The following STAT3 variants were observed in gnomAD, a reference collection of about 807,000 sequenced individuals.
STAT3 encodes the protein DNA-binding protein APRF.
STAT3 carries 7 observed loss-of-function variants against 114.3 expected under a neutral mutation model. The observed-to-expected ratio is 0.06, with a 90% CI of 0.03 to 0.11. The LOEUF (loss-of-function observed/expected upper bound fraction) is 0.11, where lower values mean the gene tolerates loss of function less well. Among genes scored for constraint, STAT3 ranks in the 10% least tolerant of loss-of-function variants. STAT3 has a pLI of 1.00. For synonymous variants in STAT3, 331 were observed against 354.5 expected (o/e 0.93, Z 0.74); for missense variants, 364 against 960.9 (o/e 0.38, Z 8.21).
chr17:42,342,916 T>A (rs1295602820), intron 4 of STAT3, among the ~76,000 whole-genome samples: 1 of 151,818 alleles, frequency 6.6e-6, no homozygotes, highest in East Asian at 1.9e-4. Context: ...ATGATCTTCT[T>A]TCTGCCTGGA....
In STAT3 at chr17:42,337,250, G is replaced by A. The variant is rs17879752; in HGVS notation, c.797+185C>T. Among the ~76,000 whole-genome samples the A allele has an allele frequency of 0.073, 11,182 of 152,182 alleles. 1,384 individuals carry two copies. Among genetic ancestry groups the A allele is most frequent in the African/African-American group, 0.26 (10,579 of 41,466 alleles). On this transcript the variant is annotated intron_variant, in intron 8 of 23. Transcript: ENST00000264657. The surrounding 1 kb of genome is among the most constrained non-coding windows in gnomAD (Gnocchi z 4.0). ...GCCCATCTTGGTCTCCCAAAGTGCTGGGATTACAGGTGTGAGCCACAGCGC... is the reference window on the plus strand; with the variant it reads ...GCCCATCTTGGTCTCCCAAAGTGCTAGGATTACAGGTGTGAGCCACAGCGC...
chr17:42,345,509 T>G (rs550388185), intron 4 of STAT3, 50 bp downstream of exon 4: 1 of 1,493,174 alleles, frequency 6.7e-7, no homozygotes, highest in South Asian at 1.2e-5. Flanking sequence ...TAAAGTTGTT[T>G]GATTTTCCAT....
chr17:42,334,073 C>T (rs768451260), intron 8 of STAT3, 24 bp from the exon 9 acceptor site: 11 of 1,613,628 alleles, frequency 6.8e-6, no homozygotes, highest in South Asian at 4.4e-5. Flanking sequence ...AAGAAAGATG[C>T]TAATTACCAA....
Position 42,315,485 on chromosome 17 carries a change from C to T in STAT3, c.*260G>A, listed in dbSNP as rs886052940. 7.6e-5 allele frequency: 45 copies of T among 588,786 alleles called. No individual in the cohort carries two copies. Among genetic ancestry groups the T allele is most frequent in the Admixed American group, 5.9e-4 (20 of 34,118 alleles). 36.5% of individuals were successfully genotyped at this position (588,786 alleles called of 1,614,324 possible). A position where few individuals can be genotyped will look rare whatever the true frequency, so the allele number is the denominator to read the frequency against. On this transcript the variant is annotated 3_prime_UTR_variant, in exon 24 of 24. Transcript: ENST00000264657. The stretch of plus-strand genomic sequence containing the variant: ...TCCTTTTTCTCCCTCTAGCCACCCC[C>T]CGCCACATCCCCTGATCATGGGTCT...
At position 42,345,549 on chromosome 17, in the gene STAT3, C is replaced by G. The variant is rs766222549; in HGVS notation, c.372+10G>C. ...CCCAGACCAGGGATTTGTTTTGTCT[C>G]AGGTCTCACCTGGGCCGCAGTGGCT... is the stretch of plus-strand genomic sequence containing the variant. On this transcript the variant is annotated intron_variant, in intron 4 of 23. Transcript: ENST00000264657. 1.8e-5 allele frequency: 29 copies of G among 1,595,312 alleles called. No individual in the cohort carries two copies. The highest frequency in any genetic ancestry group is 3.4e-5 in the Admixed American group (2 of 58,790).
Position 42,315,399 on chromosome 17 carries a change from A to G in STAT3, c.*346T>C. 1 of 464,894 alleles carries G rather than the reference A, an allele frequency of 2.2e-6. No individual in the cohort carries two copies. Among genetic ancestry groups the G allele is most frequent in the Non-Finnish European group, 4.0e-6 (1 of 252,536 alleles). 28.8% of individuals were successfully genotyped at this position (464,894 alleles called of 1,614,324 possible). On this transcript the variant is annotated 3_prime_UTR_variant, in exon 24 of 24. Coordinates refer to ENST00000264657, the MANE Select transcript of STAT3 (RefSeq NM_139276.3). Reference sequence around the variant, plus strand: ...AGGAGGCACTTGTCTAAGAACAACAACAACAATAACAAAAAGCTGCTGAGA... The same window carrying G: ...AGGAGGCACTTGTCTAAGAACAACAGCAACAATAACAAAAAGCTGCTGAGA...
At chr17:42,317,500 A>C (rs988341695) in intron 21 of STAT3, 2 of 544,156 alleles carry the variant, frequency 3.7e-6, no homozygotes, top group Non-Finnish European at 6.6e-6. Flanking sequence ...CTGACCCTAG[A>C]CTAATGCCAC....
chr17:42,383,558 G>C (rs2084920119), intron 1 of STAT3, among the ~76,000 whole-genome samples: 1 of 152,074 alleles, frequency 6.6e-6, no homozygotes, highest in African/African-American at 2.4e-5. Context: ...ACCACCAAAG[G>C]ACCATGTGGC....
chr17:42,382,867 C>T (rs1033032603), intron 1 of STAT3, among the ~76,000 whole-genome samples: 8 of 151,886 alleles, frequency 5.3e-5, no homozygotes, highest in Non-Finnish European at 1.0e-4. Context: ...AGGATGGTCT[C>T]GATCTCCTGA....
chr17:42,374,648 AATTCAC>A (rs2084355481), intron 1 of STAT3, among the ~76,000 whole-genome samples: 1 of 151,074 alleles, frequency 6.6e-6, no homozygotes, highest in Admixed American at 6.6e-5. Flanking sequence ...CTGAAGCATG[AATTCAC>A]ATTGCGTTTT....
intron 21 of STAT3, among the ~76,000 whole-genome samples, chr17:42,319,151 T>A (rs185756576): frequency 1.1e-3 from 160 of 152,102 alleles, no homozygotes; most frequent in African/African-American, 3.8e-3. Context: ...GACAGGAGAA[T>A]CACTTGAACC....
At chr17:42,322,203 G>A in intron 21 of STAT3, 79 bp downstream of exon 21, 2 of 1,347,480 alleles carry the variant, frequency 1.5e-6, no homozygotes, top group Non-Finnish European at 2.1e-6. Context: ...TCAGGCATTT[G>A]CCTATCTATC....
chr17:42,371,093 G>C (rs925397529), intron 1 of STAT3, among the ~76,000 whole-genome samples: 1 of 152,166 alleles, frequency 6.6e-6, no homozygotes, highest in African/African-American at 2.4e-5. Context: ...AGATAAGACA[G>C]AACAGGGAAT....
Position 42,351,129 on chromosome 17 carries a change from CAA to C in STAT3, c.-23-2592_-23-2591del, listed in dbSNP as rs139529559. 3.7e-3 allele frequency among the ~76,000 whole-genome samples: 287 copies of C among 77,228 alleles called. 2 individuals carry two copies. Among genetic ancestry groups the C allele is most frequent in the African/African-American group, 0.01 (255 of 25,106 alleles). The allele number at this position is 77,228 out of a possible 152,430, so 50.7% of individuals were successfully genotyped here. A position where few individuals can be genotyped will look rare whatever the true frequency, so the allele number is the denominator to read the frequency against. ...CTGATGACATAGCGAGACTCCATCT[CAA>C]AAAAAAAAAAAAAAAAGAAAAGAAA... is the stretch of plus-strand genomic sequence containing the variant. On this transcript the variant is annotated intron_variant, in intron 1 of 23. Coordinates refer to ENST00000264657, the MANE Select transcript of STAT3 (RefSeq NM_139276.3).
intron 1 of STAT3, among the ~76,000 whole-genome samples, chr17:42,364,109 C>T (rs1045245961): frequency 2.6e-5 from 4 of 152,108 alleles, no homozygotes; most frequent in African/African-American, 9.7e-5. Flanking sequence ...TAAACACTTG[C>T]ACACACACAT....
chr17:42,365,228 A>G (rs1288836902), intron 1 of STAT3, among the ~76,000 whole-genome samples: 1 of 152,208 alleles, frequency 6.6e-6, no homozygotes, highest in Non-Finnish European at 1.5e-5. Flanking sequence ...AACCAGCCAC[A>G]TTCTGTGAGA....
chr17:42,368,687 T>C (rs941867187), intron 1 of STAT3, among the ~76,000 whole-genome samples: 1 of 151,882 alleles, frequency 6.6e-6, no homozygotes, highest in Non-Finnish European at 1.5e-5. Flanking sequence ...CTCGAATTCC[T>C]GGCCTCAAGT....
At chr17:42,372,324 T>A (rs1164475001) in intron 1 of STAT3, among the ~76,000 whole-genome samples, 1 of 152,206 alleles carries the variant, frequency 6.6e-6, no homozygotes, top group East Asian at 1.9e-4. Context: ...CAGGTGAATG[T>A]TTGATAAACA....
chr17:42,339,225 C>T, intron 5 of STAT3, 89 bp downstream of exon 5: 2 of 1,311,160 alleles, frequency 1.5e-6, no homozygotes, highest in Middle Eastern at 2.0e-4. Flanking sequence ...CACTGCAGCC[C>T]AGCCTGAGTG....
Sources: allele counts gnomAD v4.1 joint callset (sites outside exome capture counted in the v4.1 genomes callset), GRCh38; gene constraint gnomAD v4.1.1; non-coding constraint Gnocchi (gnomAD v3.1); transcripts MANE v1.5; gene names NCBI Gene and HGNC (gene_info 2026-07-23, HGNC 2026-07-21).